KDM2B: variants seen among roughly 807,000 people sequenced by gnomAD.
The protein encoded by KDM2B is lysine demethylase 2B.
A neutral mutation model predicts 150.0 loss-of-function variants in KDM2B; 26 were observed. The observed-to-expected ratio is 0.17, with a 90% confidence interval of 0.13 to 0.24. KDM2B has a LOEUF of 0.24. KDM2B is among the 10% of genes least tolerant of loss of function. The pLI, the probability that KDM2B is intolerant of heterozygous loss-of-function variation, is 1.00. For missense variants in KDM2B, 1,265 were observed against 1,816.9 expected (o/e 0.70, Z 5.52); for synonymous variants, 734 against 729.5 (o/e 1.01, Z -0.10).
At chr12:121,495,312 C>T (rs1243365462) in intron 11 of KDM2B, among the ~76,000 whole-genome samples, 1 of 152,250 alleles carries the variant, frequency 6.6e-6, no homozygotes. Context: ...AGGTGTGCAC[C>T]ACCACGCTGG....
At chr12:121,488,145 A>G (rs1405189475) in intron 12 of KDM2B, among the ~76,000 whole-genome samples, 1 of 152,196 alleles carries the variant, frequency 6.6e-6, no homozygotes, top group Admixed American at 6.6e-5. Flanking sequence ...CCATTTCAGC[A>G]CAGCCATAAC....
chr12:121,532,087 C>G (rs1319221043), intron 8 of KDM2B, among the ~76,000 whole-genome samples: 1 of 151,806 alleles, frequency 6.6e-6, no homozygotes. Context: ...CGCCACTGCA[C>G]CCTAGCCTGG....
chr12:121,413,519 C>T, the KDM2B span, among the ~76,000 whole-genome samples: 3 of 147,574 alleles, frequency 2.0e-5, no homozygotes, highest in African/African-American at 5.1e-5. Context: ...TCAAGCGATT[C>T]TCCTGCCTCA....
rs1410103025 is a variant in KDM2B, at chr12:121,467,240, G to A, written c.1735-13896C>T. 2 of 1,007,282 alleles carry A rather than the reference G, an allele frequency of 2.0e-6. No homozygotes were observed. The highest frequency in any genetic ancestry group is 2.4e-6 in the Non-Finnish European group (2 of 841,502). The allele number at this position is 1,007,282 out of a possible 1,614,324, so 62.4% of individuals were successfully genotyped here. The stretch of plus-strand genomic sequence containing the variant: ...TCATGGTGGGCCCAGGCTCGCGCGC[G>A]CTGACATGGCTGGAGCGGCGCCGCC... On this transcript the variant is annotated intron_variant, in intron 12 of 22. Transcript: ENST00000377071. The surrounding 1 kb of genome is among the most constrained non-coding windows in gnomAD (Gnocchi z 5.1).
chr12:121,574,558 T>C lies in KDM2B; in HGVS notation c.386A>G (p.Lys129Arg), dbSNP rs782331964. The C allele has an allele frequency of 7.4e-6, 12 of 1,613,864 alleles. No individual in the cohort carries two copies. Among genetic ancestry groups the C allele is most frequent in the East Asian group, 2.2e-5 (1 of 44,878 alleles). Residue 129 changes from lysine to arginine, a missense_variant, in exon 4 of 23, where the codon AAA becomes AGA. Around this residue, in one of 11 missense-constraint regions of KDM2B, gnomAD observed 214 missense variants for 447.4 expected, o/e 0.48. Transcript: ENST00000377071. ...GGCAAGCGACTTACCCACTAGGAGT[T>C]TGACGTCTCGGACTGTGAAATCAGG... ...PDPDFTVRDV[K>R]LLVGSRRLVD... is the part of the protein sequence containing the mutation.
chr12:121,551,671 G>A (rs1555311832), intron 4 of KDM2B, among the ~76,000 whole-genome samples: 1 of 152,164 alleles, frequency 6.6e-6, no homozygotes, highest in Non-Finnish European at 1.5e-5. Context: ...TCCTGCCTCA[G>A]CCTCCCGAGC....
At chr12:121,461,232 T>C (rs1357501096) in intron 12 of KDM2B, among the ~76,000 whole-genome samples, 1 of 152,092 alleles carries the variant, frequency 6.6e-6, no homozygotes, top group Non-Finnish European at 1.5e-5. Flanking sequence ...AAGAGAGAGA[T>C]GTGAAACTGC....
intron 14 of KDM2B, chr12:121,445,004 G>A: frequency 2.1e-6 from 1 of 473,914 alleles, no homozygotes; most frequent in Non-Finnish European, 3.8e-6. Flanking sequence ...CAAGCAGCCT[G>A]TGTTTGCCAT....
the KDM2B span, chr12:121,423,600 G>C: frequency 1.9e-6 from 3 of 1,601,202 alleles, no homozygotes; most frequent in Middle Eastern, 1.7e-4. The surrounding 1 kb of genome is among the most constrained non-coding windows in gnomAD (Gnocchi z 4.3). Context: ...CACCAGGACA[G>C]TCACCCCCAA....
intron 11 of KDM2B, among the ~76,000 whole-genome samples, chr12:121,496,163 CTCTGGCACCAGACTT>C (rs1555300948): frequency 6.6e-6 from 1 of 152,102 alleles, no homozygotes; most frequent in Non-Finnish European, 1.5e-5. Flanking sequence ...GAACCCCACT[CTCTGGCACCAGACTT>C]TCTGCCCCAG....
At chr12:121,439,809 G>T (rs782581739) in intron 22 of KDM2B, 48 bp downstream of exon 22, 3 of 1,398,426 alleles carry the variant, frequency 2.1e-6, no homozygotes, top group Non-Finnish European at 2.0e-6. Flanking sequence ...GAACCTCCTG[G>T]TTCTCCCACG....
At chr12:121,561,564 A>G (rs939499596) in intron 4 of KDM2B, among the ~76,000 whole-genome samples, 4 of 152,008 alleles carry the variant, frequency 2.6e-5, no homozygotes, top group Admixed American at 6.6e-5. Flanking sequence ...TGTCCTGGCA[A>G]TTGGATGCCT....
chr12:121,433,032 G>T, intron 22 of KDM2B: 1 of 422,622 alleles, frequency 2.4e-6, no homozygotes, highest in Non-Finnish European at 4.7e-6. Context: ...CGGTGGTAAG[G>T]CAGCACTTGG....
chr12:121,558,412 G>A (rs111916572), intron 4 of KDM2B, among the ~76,000 whole-genome samples: 2 of 152,028 alleles, frequency 1.3e-5, no homozygotes, highest in African/African-American at 4.8e-5. Context: ...CAACACAGAA[G>A]GACAGACATG....
At chr12:121,476,309 T>A in intron 12 of KDM2B, among the ~76,000 whole-genome samples, 1 of 149,976 alleles carries the variant, frequency 6.7e-6, no homozygotes. Flanking sequence ...AAAAAAAAAA[T>A]TAGCCGAGCA....
chr12:121,538,034 C>A (rs1367778547), intron 6 of KDM2B, among the ~76,000 whole-genome samples: 19 of 151,114 alleles, frequency 1.3e-4, no homozygotes, highest in East Asian at 3.9e-4. Flanking sequence ...GAGCCCCCTC[C>A]ACGGCGCTGC....
chr12:121,514,159 G>C (rs1241267812), intron 9 of KDM2B, among the ~76,000 whole-genome samples: 3 of 152,176 alleles, frequency 2.0e-5, no homozygotes, highest in African/African-American at 7.2e-5. Context: ...CTGTCACCCA[G>C]GCTGGAGTGC....
At chr12:121,538,815 C>G (rs1328943182) in intron 6 of KDM2B, among the ~76,000 whole-genome samples, 1 of 152,114 alleles carries the variant, frequency 6.6e-6, no homozygotes, top group South Asian at 2.1e-4. Flanking sequence ...CAGCCTGTCT[C>G]CCAGTCCCTC....
At position 121,440,985 on chromosome 12, in the gene KDM2B, G is replaced by A; in HGVS notation, c.3449-8C>T. On this transcript the variant is annotated splice_region_variant and splice_polypyrimidine_tract_variant and intron_variant, in intron 20 of 22. Transcript: ENST00000377071. ...GCACCAAGTCCCGGAGCCCTGGGGG[G>A]ACATAGAAAAGGGTGAAGGTCAGGG... is the stretch of plus-strand genomic sequence containing the variant. The A allele has an allele frequency of 1.9e-6, 3 of 1,613,330 alleles. No homozygotes were observed. The highest frequency in any genetic ancestry group is 2.2e-5 in the East Asian group (1 of 44,870).
Sources: allele counts gnomAD v4.1 joint callset (sites outside exome capture counted in the v4.1 genomes callset), GRCh38; gene constraint gnomAD v4.1.1; regional missense constraint gnomAD v4.1.1; non-coding constraint Gnocchi (gnomAD v3.1); transcripts MANE v1.5; gene names NCBI Gene and HGNC (gene_info 2026-07-23, HGNC 2026-07-21).